KCNIP4: variants seen among roughly 807,000 people sequenced by gnomAD.
KCNIP4 encodes potassium voltage-gated channel interacting protein 4.
KCNIP4 carries 12 observed loss-of-function variants against 34.0 expected under a neutral mutation model. The ratio of observed to expected loss-of-function variants is 0.35; its 90% CI spans 0.23 to 0.57. The LOEUF is 0.57. KCNIP4 is among the 20% of genes least tolerant of loss of function. The pLI, the probability that KCNIP4 is intolerant of heterozygous loss-of-function variation, is 0.83. For synonymous variants in KCNIP4, 124 were observed against 102.2 expected, an observed-to-expected ratio of 1.21 and a Z score of -1.29; for missense variants, 238 against 311.7, an observed-to-expected ratio of 0.76 and a Z score of 1.78.
chr4:21,116,984 A>G (rs767422227), intron 1 of KCNIP4, among the ~76,000 whole-genome samples: 8 of 152,146 alleles, frequency 5.3e-5, no homozygotes, highest in Non-Finnish European at 1.0e-4. Context: ...TAAAATACAA[A>G]TACAGCTACC....
intron 1 of KCNIP4, among the ~76,000 whole-genome samples, chr4:21,335,044 T>C (rs969109512): frequency 6.6e-6 from 1 of 152,092 alleles, no homozygotes; most frequent in African/African-American, 2.4e-5. Flanking sequence ...TTCCATTTTA[T>C]AGGAAAGCTC....
intron 1 of KCNIP4, among the ~76,000 whole-genome samples, chr4:20,949,283 A>G (rs553636223): frequency 4.3e-4 from 66 of 152,352 alleles, no homozygotes; most frequent in South Asian, 1.2e-3. Flanking sequence ...TGCTTGTGCT[A>G]GTTTAAAAAA....
At chr4:21,027,227 G>A (rs1018292977) in intron 1 of KCNIP4, among the ~76,000 whole-genome samples, 4 of 152,140 alleles carry the variant, frequency 2.6e-5, no homozygotes, top group Admixed American at 6.6e-5. Context: ...CTGTGGGTTG[G>A]CTGTCATTGT....
At chr4:21,625,700 C>T (rs1242571751) in intron 1 of KCNIP4, among the ~76,000 whole-genome samples, 1 of 152,128 alleles carries the variant, frequency 6.6e-6, no homozygotes, top group African/African-American at 2.4e-5. Flanking sequence ...TTTTGACATG[C>T]CTTTCAGTTA....
At chr4:20,931,504 C>G (rs778404387) in intron 1 of KCNIP4, among the ~76,000 whole-genome samples, 2 of 151,998 alleles carry the variant, frequency 1.3e-5, no homozygotes, top group African/African-American at 2.4e-5. Flanking sequence ...AGGACACAAA[C>G]CTGAACAGTG....
At chr4:21,139,451 C>T (rs1186167793) in intron 1 of KCNIP4, among the ~76,000 whole-genome samples, 1 of 152,126 alleles carries the variant, frequency 6.6e-6, no homozygotes, top group Non-Finnish European at 1.5e-5. Context: ...GATACATGGC[C>T]CAGATGCCCC....
At chr4:20,751,989 T>G (rs1753719125) in intron 4 of KCNIP4, among the ~76,000 whole-genome samples, 1 of 152,130 alleles carries the variant, frequency 6.6e-6, no homozygotes, top group South Asian at 2.1e-4. Flanking sequence ...GCAAGTTGTT[T>G]TACCTTTGTG....
intron 1 of KCNIP4, among the ~76,000 whole-genome samples, chr4:21,219,135 C>A (rs1757814187): frequency 1.3e-5 from 2 of 151,954 alleles, no homozygotes; most frequent in African/African-American, 4.8e-5. Context: ...CCCAGCAAAC[C>A]CAGCAGCCCT....
At chr4:21,750,862 T>C (rs778987397) in intron 1 of KCNIP4, among the ~76,000 whole-genome samples, 1 of 152,158 alleles carries the variant, frequency 6.6e-6, no homozygotes, top group African/African-American at 2.4e-5. Context: ...AATTCAGCCC[T>C]GGCCCCAAAC....
At chr4:20,802,338 A>G (rs543978324) in intron 3 of KCNIP4, among the ~76,000 whole-genome samples, 145 of 151,072 alleles carry the variant, frequency 9.6e-4, no homozygotes, top group African/African-American at 3.3e-3. Flanking sequence ...CGTCTCCAAC[A>G]TTGGAACACC....
chr4:21,768,182 A>G (rs1459419451), intron 1 of KCNIP4, among the ~76,000 whole-genome samples: 2 of 152,174 alleles, frequency 1.3e-5, no homozygotes, highest in African/African-American at 4.8e-5. Flanking sequence ...ACTAAACAGC[A>G]TTTTAGAGAG....
intron 1 of KCNIP4, among the ~76,000 whole-genome samples, chr4:21,326,552 G>A (rs1215179112): frequency 6.6e-6 from 1 of 150,502 alleles, no homozygotes; most frequent in African/African-American, 2.4e-5. Context: ...ACAGATCATT[G>A]GGTCTTGTTT....
At chr4:21,665,242 G>A (rs1423724776) in intron 1 of KCNIP4, among the ~76,000 whole-genome samples, 1 of 152,074 alleles carries the variant, frequency 6.6e-6, no homozygotes, top group African/African-American at 2.4e-5. Flanking sequence ...ATAACTTCTG[G>A]AAACCTCCTC....
chr4:21,222,098 T>A (rs1758021795), intron 1 of KCNIP4, among the ~76,000 whole-genome samples: 2 of 152,206 alleles, frequency 1.3e-5, no homozygotes, highest in African/African-American at 2.4e-5. Context: ...TAGAAGTGAC[T>A]AACATTGAGT....
chr4:21,336,701 G>A lies in KCNIP4; in HGVS notation c.62-453992C>T, dbSNP rs142103421. On this transcript the variant is annotated intron_variant, in intron 1 of 8. Coordinates refer to ENST00000382152, the MANE Select transcript of KCNIP4 (RefSeq NM_025221.6). ...CAAAAATTGAGCCCTCACTCCTGCC[G>A]TCTGTGAAAACCTGAGCAAGTTGTT... Among the ~76,000 whole-genome samples, 166 of 152,064 alleles carry A rather than the reference G, an allele frequency of 1.1e-3. 1 individual carries two copies. The highest frequency in any genetic ancestry group is 3.9e-3 in the African/African-American group (161 of 41,486).
At chr4:20,787,828 T>C (rs1437216949) in intron 3 of KCNIP4, among the ~76,000 whole-genome samples, 3 of 152,154 alleles carry the variant, frequency 2.0e-5, no homozygotes, top group Admixed American at 6.6e-5. Context: ...AATTCTTCCT[T>C]GTGATAATTT....
intron 1 of KCNIP4, among the ~76,000 whole-genome samples, chr4:21,453,834 C>T (rs1728709866): frequency 6.6e-6 from 1 of 152,060 alleles, no homozygotes; most frequent in Non-Finnish European, 1.5e-5. Context: ...GGAAGCAGTG[C>T]TGCGTGATGG....
chr4:20,773,404 T>C (rs546909997), intron 3 of KCNIP4, among the ~76,000 whole-genome samples: 4 of 152,240 alleles, frequency 2.6e-5, no homozygotes, highest in Admixed American at 2.0e-4. Flanking sequence ...GCTTCCGAGC[T>C]CTCAGGTGGG....
At chr4:21,228,023 A>G (rs1758530670) in intron 1 of KCNIP4, among the ~76,000 whole-genome samples, 1 of 152,230 alleles carries the variant, frequency 6.6e-6, no homozygotes, top group African/African-American at 2.4e-5. Context: ...CTGCAACAAT[A>G]TCACATTGCT....
Sources: allele counts gnomAD v4.1 joint callset (sites outside exome capture counted in the v4.1 genomes callset), GRCh38; gene constraint gnomAD v4.1.1; transcripts MANE v1.5; gene names NCBI Gene and HGNC (gene_info 2026-07-23, HGNC 2026-07-21).